PAX5: variants seen among roughly 807,000 people sequenced by gnomAD.
PAX5 encodes the protein paired box protein Pax-5.
PAX5 carries 9 observed loss-of-function variants against 43.7 expected under a neutral mutation model. The observed-to-expected ratio is 0.21, with a 90% confidence interval of 0.12 to 0.36. PAX5 has a LOEUF of 0.36. PAX5 is among the 10% of genes least tolerant of loss of function. PAX5 has a pLI of 1.00. For missense variants in PAX5, 383 were observed against 532.7 expected, an observed-to-expected ratio of 0.72 and a Z score of 2.77; for synonymous variants, 228 against 214.3, an observed-to-expected ratio of 1.06 and a Z score of -0.56.
At chr9:37,002,536 C>T (rs1837978091) in intron 5 of PAX5, 112 bp downstream of exon 5, 2 of 1,180,550 alleles carry the variant, frequency 1.7e-6, no homozygotes. Flanking sequence ...GGACTCGCTC[C>T]TCTGCAGGTA....
At position 36,914,414 on chromosome 9, in the gene PAX5, A is replaced by C. The variant is rs550649801; in HGVS notation, c.910+8941T>G. Among the ~76,000 whole-genome samples, 5 of 152,288 alleles carry C rather than the reference A, an allele frequency of 3.3e-5. No individual in the cohort carries two copies. The South Asian group carries it at 8.3e-4, about 25-fold the overall frequency. ...ATGAGTTAGTGTTAGTCCCTAGTCC[A>C]TACCTGTGTGTAAGGCTATGTCTGG... On this transcript the variant is annotated intron_variant, in intron 7 of 9. Coordinates refer to ENST00000358127, the MANE Select transcript of PAX5 (RefSeq NM_016734.3).
chr9:36,882,845 C>T lies in PAX5; in HGVS notation c.911-740G>A, dbSNP rs533334936. On this transcript the variant is annotated intron_variant, in intron 7 of 9. Transcript: ENST00000358127. The surrounding 1 kb of genome is among the most constrained non-coding windows in gnomAD (Gnocchi z 4.4). ...TCTTTCAGGCTGCTGTGCTTCTGACCATGAGTCCAGAGTGTCCATGTGTCT... is the reference window on the plus strand; with the variant it reads ...TCTTTCAGGCTGCTGTGCTTCTGACTATGAGTCCAGAGTGTCCATGTGTCT... Among the ~76,000 whole-genome samples the T allele has an allele frequency of 6.6e-6, 1 of 152,358 alleles. No homozygotes were observed. The highest frequency in any genetic ancestry group is 1.9e-4 in the East Asian group (1 of 5,188).
chr9:36,938,170 C>T (rs568079789), intron 6 of PAX5, among the ~76,000 whole-genome samples: 3 of 152,232 alleles, frequency 2.0e-5, no homozygotes, highest in African/African-American at 7.2e-5. Flanking sequence ...TACTTAAGAG[C>T]TTCTGCTTTT....
intron 6 of PAX5, among the ~76,000 whole-genome samples, chr9:36,943,614 G>A (rs1162103360): frequency 1.3e-5 from 2 of 150,202 alleles, no homozygotes; most frequent in Non-Finnish European, 3.0e-5. Context: ...AAGGCCTAAG[G>A]ATCACTGTGT....
chr9:37,001,034 C>T (rs1357326831), intron 5 of PAX5, among the ~76,000 whole-genome samples: 1 of 152,218 alleles, frequency 6.6e-6, no homozygotes, highest in Non-Finnish European at 1.5e-5. Context: ...TCAATACCCC[C>T]AAATGGGCTG....
chr9:37,032,006 C>A (rs1430664761), intron 1 of PAX5, among the ~76,000 whole-genome samples: 1 of 152,184 alleles, frequency 6.6e-6, no homozygotes, highest in Non-Finnish European at 1.5e-5. Flanking sequence ...TTCTCCAGCC[C>A]TGACCCAGGC....
intron 3 of PAX5, among the ~76,000 whole-genome samples, chr9:37,011,377 T>A (rs1285706402): frequency 6.6e-6 from 1 of 152,204 alleles, no homozygotes; most frequent in Admixed American, 6.5e-5. Flanking sequence ...CACCCAACAA[T>A]ACTGGCCTCA....
intron 5 of PAX5, among the ~76,000 whole-genome samples, chr9:36,969,219 G>T (rs1169012886): frequency 1.3e-5 from 2 of 152,180 alleles, no homozygotes. Flanking sequence ...CTGAGGCCTG[G>T]CTCTGTCCCC....
chr9:36,868,681 G>A (rs1825137111), intron 8 of PAX5, among the ~76,000 whole-genome samples: 2 of 152,008 alleles, frequency 1.3e-5, no homozygotes. Context: ...ACCTTCCCTG[G>A]CCCCAGAGCC....
chr9:36,851,096 C>A (rs1216960259), intron 8 of PAX5, among the ~76,000 whole-genome samples: 1 of 152,234 alleles, frequency 6.6e-6, no homozygotes. Context: ...ACCTTCCAGG[C>A]AGAGCCTCCT....
In PAX5 at chr9:37,029,368, G is replaced by C. The variant is rs1422736489; in HGVS notation, c.46+4618C>G. 2.6e-5 allele frequency among the ~76,000 whole-genome samples: 4 copies of C among 152,290 alleles called. 1 individual carries two copies. The Middle Eastern group carries it at 0.01, about 388-fold the overall frequency. ...GTCCCTGACCAGTAGACAAGTTTCC[G>C]GCGCTGACACCCGTCCCCACCCCCC... On this transcript the variant is annotated intron_variant, in intron 1 of 9. Transcript: ENST00000358127.
intron 7 of PAX5, among the ~76,000 whole-genome samples, chr9:36,892,270 T>C (rs1350189639): frequency 6.6e-6 from 1 of 152,204 alleles, no homozygotes; most frequent in Admixed American, 6.5e-5. Flanking sequence ...CGTGACTTTA[T>C]TCATTCGTTC....
intron 6 of PAX5, among the ~76,000 whole-genome samples, chr9:36,936,499 G>A (rs1050898116): frequency 5.9e-5 from 9 of 152,214 alleles, no homozygotes; most frequent in Non-Finnish European, 1.2e-4. Context: ...GGGCAGGGAG[G>A]CCATTACCTC....
At chr9:36,873,618 T>C (rs1359853856) in intron 8 of PAX5, among the ~76,000 whole-genome samples, 1 of 152,188 alleles carries the variant, frequency 6.6e-6, no homozygotes, top group Non-Finnish European at 1.5e-5. Context: ...GGGAAGTTAG[T>C]GTTAAGAACA....
In PAX5 at chr9:36,844,477, C is replaced by G. The variant is rs146819740; in HGVS notation, c.1099+2366G>C. ...GCTGAGAGGACGACATCAGATAGCC[C>G]ATGTAAAAAGGGTTTTGGGTGCCTG... On this transcript the variant is annotated intron_variant, in intron 9 of 9. Coordinates refer to ENST00000358127, the MANE Select transcript of PAX5 (RefSeq NM_016734.3). Among the ~76,000 whole-genome samples, 149 of 152,246 alleles carry G rather than the reference C, an allele frequency of 9.8e-4. 3 individuals carry two copies. Among genetic ancestry groups the G allele is most frequent in the Admixed American group, 3.3e-3 (51 of 15,304 alleles).
chr9:36,858,306 C>T (rs909636025), intron 8 of PAX5, among the ~76,000 whole-genome samples: 6 of 152,124 alleles, frequency 3.9e-5, no homozygotes, highest in Admixed American at 3.3e-4. Flanking sequence ...ATGTTTTTCT[C>T]ATATTTCAAC....
chr9:36,884,248 T>C (rs1000827304), intron 7 of PAX5, among the ~76,000 whole-genome samples: 2 of 152,202 alleles, frequency 1.3e-5, no homozygotes, highest in African/African-American at 2.4e-5. Flanking sequence ...ATGTAAAAAG[T>C]CTACTATCAT....
At chr9:36,902,872 A>G (rs1160245820) in intron 7 of PAX5, among the ~76,000 whole-genome samples, 1 of 152,202 alleles carries the variant, frequency 6.6e-6, no homozygotes, top group Non-Finnish European at 1.5e-5. Context: ...AGTGGTTGTG[A>G]AAGACCCCAT....
At chr9:36,968,193 A>G (rs1024647725) in intron 5 of PAX5, among the ~76,000 whole-genome samples, 12 of 152,314 alleles carry the variant, frequency 7.9e-5, no homozygotes, top group African/African-American at 2.6e-4. Flanking sequence ...TCTCATGCTG[A>G]AAGGTGCCCT....
Sources: allele counts gnomAD v4.1 joint callset (sites outside exome capture counted in the v4.1 genomes callset), GRCh38; gene constraint gnomAD v4.1.1; non-coding constraint Gnocchi (gnomAD v3.1); transcripts MANE v1.5; gene names NCBI Gene and HGNC (gene_info 2026-07-23, HGNC 2026-07-21).